SPMIP2: variants seen among roughly 807,000 people sequenced by gnomAD.
SPMIP2 encodes protein SPMIP2.
At chr4:159,058,993 C>T in the SPMIP2 span, among the ~76,000 whole-genome samples, 1 of 152,124 alleles carries the variant, frequency 6.6e-6, no homozygotes, top group South Asian at 2.1e-4. Context: ...GTGCAAATGT[C>T]GTTGTGATAG....
At chr4:159,041,937 C>T in the SPMIP2 span, among the ~76,000 whole-genome samples, 6 of 152,178 alleles carry the variant, frequency 3.9e-5, no homozygotes, top group Non-Finnish European at 8.8e-5. Flanking sequence ...TGTACATCCA[C>T]GACAGAGAAT....
chr4:159,061,204 G>A, the SPMIP2 span, among the ~76,000 whole-genome samples: 1 of 151,448 alleles, frequency 6.6e-6, no homozygotes, highest in Non-Finnish European at 1.5e-5. Context: ...AAAAAACCTG[G>A]AACCCTGAAG....
At chr4:159,081,819 T>A in the SPMIP2 span, among the ~76,000 whole-genome samples, 1 of 152,248 alleles carries the variant, frequency 6.6e-6, no homozygotes, top group African/African-American at 2.4e-5. Context: ...TGTAACCACC[T>A]TTGCATTATT....
At chr4:158,925,028 TTGTC>T in the SPMIP2 span, among the ~76,000 whole-genome samples, 2 of 152,190 alleles carry the variant, frequency 1.3e-5, no homozygotes, top group Admixed American at 6.5e-5. Flanking sequence ...TGTTATATCT[TTGTC>T]TGCTTTGGTA....
At chr4:158,932,052 G>A in the SPMIP2 span, among the ~76,000 whole-genome samples, 1 of 152,090 alleles carries the variant, frequency 6.6e-6, no homozygotes, top group Non-Finnish European at 1.5e-5. Flanking sequence ...CACTTTGGGA[G>A]GCTGAGGTGG....
the SPMIP2 span, chr4:158,906,477 T>C: frequency 6.6e-6 from 1 of 152,312 alleles, no homozygotes; most frequent in African/African-American, 2.4e-5. Context: ...ATTAGACCCA[T>C]ATAGGGGACA....
chr4:158,971,667 C>T, the SPMIP2 span, among the ~76,000 whole-genome samples: 10 of 152,182 alleles, frequency 6.6e-5, no homozygotes, highest in South Asian at 2.1e-4. Context: ...CAATATGAAA[C>T]GCATATAGGG....
the SPMIP2 span, chr4:158,893,622 T>G: frequency 1.6e-6 from 2 of 1,263,830 alleles, no homozygotes; most frequent in Non-Finnish European, 2.3e-6. Flanking sequence ...CACTTGTGGA[T>G]TATTATGATC....
the SPMIP2 span, among the ~76,000 whole-genome samples, chr4:158,941,150 C>T: frequency 6.6e-6 from 1 of 152,094 alleles, no homozygotes; most frequent in South Asian, 2.1e-4. Context: ...TACAGATAGA[C>T]AAATAGACAT....
the SPMIP2 span, among the ~76,000 whole-genome samples, chr4:159,063,290 G>C: frequency 6.6e-6 from 1 of 152,198 alleles, no homozygotes; most frequent in African/African-American, 2.4e-5. Context: ...CGGGCATGGT[G>C]GCTCACGCCT....
At chr4:158,976,659 A>ATTTTTTTTT in the SPMIP2 span, among the ~76,000 whole-genome samples, 15 of 94,720 alleles carry the variant, frequency 1.6e-4, 2 homozygotes, top group African/African-American at 2.8e-4. Context: ...ATGGATAAGC[A>ATTTTTTTTT]TTTTTTTTTT....
chr4:159,038,074 A>T, the SPMIP2 span, among the ~76,000 whole-genome samples: 1 of 151,366 alleles, frequency 6.6e-6, no homozygotes, highest in East Asian at 1.9e-4. Flanking sequence ...GCTGTTTCCA[A>T]TTTTTTTGCT....
At chr4:158,905,823 A>C in the SPMIP2 span, 3 of 152,196 alleles carry the variant, frequency 2.0e-5, no homozygotes, top group Non-Finnish European at 4.4e-5. Context: ...TCATTAAAGG[A>C]CAGGAGCTAA....
At chr4:159,008,036 A>C in the SPMIP2 span, among the ~76,000 whole-genome samples, 1 of 152,214 alleles carries the variant, frequency 6.6e-6, no homozygotes, top group Non-Finnish European at 1.5e-5. Context: ...TAGGAGCTCA[A>C]GTCCAGCCTG....
the SPMIP2 span, among the ~76,000 whole-genome samples, chr4:159,047,686 T>C: frequency 1.3e-5 from 2 of 152,186 alleles, no homozygotes; most frequent in Non-Finnish European, 2.9e-5. Context: ...TCCTGCGCTG[T>C]ACCAAACAAG....
At chr4:159,071,249 A>C in the SPMIP2 span, among the ~76,000 whole-genome samples, 1 of 152,320 alleles carries the variant, frequency 6.6e-6, no homozygotes, top group African/African-American at 2.4e-5. Context: ...AACTTTTGGC[A>C]GTAGTTGTTG....
At chr4:158,951,386 GAA>G in the SPMIP2 span, among the ~76,000 whole-genome samples, 1 of 152,174 alleles carries the variant, frequency 6.6e-6, no homozygotes, top group Non-Finnish European at 1.5e-5. Context: ...TTACTGTACT[GAA>G]TATTGTAGAC....
At chr4:158,966,086 T>C in the SPMIP2 span, among the ~76,000 whole-genome samples, 99 of 152,202 alleles carry the variant, frequency 6.5e-4, 1 homozygote, top group Non-Finnish European at 1.2e-3. Context: ...TGGATTCCTA[T>C]AGCATATATT....
the SPMIP2 span, among the ~76,000 whole-genome samples, chr4:158,902,955 CG>C: frequency 6.6e-6 from 1 of 152,168 alleles, no homozygotes; most frequent in Non-Finnish European, 1.5e-5. Flanking sequence ...CCAGACCACT[CG>C]GCTCCCTGGC....
Sources: allele counts gnomAD v4.1 joint callset (sites outside exome capture counted in the v4.1 genomes callset), GRCh38; gene constraint gnomAD v4.1.1; transcripts MANE v1.5; gene names NCBI Gene and HGNC (gene_info 2026-07-23, HGNC 2026-07-21).